Variants in PTPRA observed in about 807,000 individuals in gnomAD.
The protein encoded by PTPRA is receptor-type tyrosine-protein phosphatase alpha.
In PTPRA, 25 loss-of-function variants were observed where a neutral mutation model predicts 104.8. That is an observed-to-expected ratio of 0.24 (90% CI 0.17 to 0.33). The LOEUF (loss-of-function observed/expected upper bound fraction) is 0.33, where lower values mean the gene tolerates loss of function less well. Ranked by LOEUF, PTPRA falls within the 10% of genes least tolerant of loss-of-function variation. The pLI, the probability that PTPRA is intolerant of heterozygous loss-of-function variation, is 1.00. For missense variants in PTPRA, 765 were observed against 1,015.3 expected (o/e 0.75, Z 3.35); for synonymous variants, 323 against 368.9 (o/e 0.88, Z 1.43).
chr20:3,002,597 G>T (rs2063685107), intron 9 of PTPRA, among the ~76,000 whole-genome samples: 1 of 152,134 alleles, frequency 6.6e-6, no homozygotes, highest in South Asian at 2.1e-4. Context: ...AAAGTGCTGG[G>T]ATTACAGGCG....
At chr20:3,010,039 G>A (rs774385936) in intron 11 of PTPRA, among the ~76,000 whole-genome samples, 17 of 151,794 alleles carry the variant, frequency 1.1e-4, no homozygotes, top group African/African-American at 2.7e-4. Flanking sequence ...TAGTAGAGAC[G>A]GTGTTTTGCT....
At chr20:2,919,088 T>C (rs1339453981) in intron 1 of PTPRA, among the ~76,000 whole-genome samples, 2 of 152,206 alleles carry the variant, frequency 1.3e-5, no homozygotes, top group Non-Finnish European at 2.9e-5. Context: ...GATGTGTTGA[T>C]TATATATAAT....
intron 1 of PTPRA, among the ~76,000 whole-genome samples, chr20:2,918,830 C>T (rs554112052): frequency 2.6e-5 from 4 of 152,154 alleles, no homozygotes; most frequent in South Asian, 4.1e-4. Context: ...GTCATGTACA[C>T]CTGGGTTTGA....
chr20:2,883,922 G>A (rs1016373689), intron 1 of PTPRA, among the ~76,000 whole-genome samples: 1 of 152,060 alleles, frequency 6.6e-6, no homozygotes, highest in Non-Finnish European at 1.5e-5. Context: ...CCAGTCCCTG[G>A]CAACTACTAA....
intron 2 of PTPRA, among the ~76,000 whole-genome samples, chr20:2,931,443 ACAGT>A (rs908988396): frequency 1.9e-5 from 2 of 104,928 alleles, no homozygotes; most frequent in Admixed American, 9.3e-5. Context: ...AAGGTGATAG[ACAGT>A]CAGCAGGCAC....
intron 1 of PTPRA, among the ~76,000 whole-genome samples, chr20:2,916,736 A>G (rs567333174): frequency 7.9e-5 from 12 of 152,192 alleles, no homozygotes; most frequent in Admixed American, 2.0e-4. Flanking sequence ...TCAGTTGACT[A>G]TAGATTTGTG....
At position 2,996,921 on chromosome 20, in the gene PTPRA, G is replaced by A. The variant is rs1016204310; in HGVS notation, c.739-8135G>A. The stretch of plus-strand genomic sequence containing the variant: ...TACCAATCATTATTTAAATGTTTGA[G>A]TTTTCTGACCAAGCTTCTGAGATTC... On this transcript the variant is annotated intron_variant, in intron 9 of 23. Transcript: ENST00000399903. Among the ~76,000 whole-genome samples the A allele has an allele frequency of 1.6e-4, 25 of 152,192 alleles. 1 individual carries two copies. The highest frequency in any genetic ancestry group is 5.1e-4 in the African/African-American group (21 of 41,524).
intron 6 of PTPRA, among the ~76,000 whole-genome samples, chr20:2,979,233 A>G (rs1196810135): frequency 6.6e-6 from 1 of 152,192 alleles, no homozygotes; most frequent in African/African-American, 2.4e-5. Flanking sequence ...TTCAGAATAC[A>G]TCTAGGTGTA....
chr20:2,951,289 A>G (rs962195014), intron 3 of PTPRA, among the ~76,000 whole-genome samples: 27 of 152,000 alleles, frequency 1.8e-4, no homozygotes, highest in Admixed American at 1.7e-3. Flanking sequence ...TTTAGTAGAG[A>G]CGGGGTTTCA....
chr20:2,947,228 A>G (rs1056862558), intron 2 of PTPRA, among the ~76,000 whole-genome samples: 15 of 152,306 alleles, frequency 9.8e-5, no homozygotes, highest in East Asian at 1.9e-4. Flanking sequence ...GGTCTGATCT[A>G]TGGATTGTAG....
At chr20:2,871,236 T>G (rs974793597), upstream of PTPRA, among the ~76,000 whole-genome samples, 4 of 152,066 alleles carry the variant, frequency 2.6e-5, no homozygotes, top group Non-Finnish European at 4.4e-5. Flanking sequence ...TGAGAATGGG[T>G]TACTTGCCAA....
chr20:2,885,261 A>G (rs923858265), intron 1 of PTPRA, among the ~76,000 whole-genome samples: 3 of 152,168 alleles, frequency 2.0e-5, no homozygotes, highest in African/African-American at 4.8e-5. Flanking sequence ...GTATTGCATT[A>G]TGTTTTAATT....
chr20:2,889,993 C>T (rs544400552), intron 1 of PTPRA, among the ~76,000 whole-genome samples: 22 of 152,166 alleles, frequency 1.4e-4, no homozygotes, highest in African/African-American at 5.3e-4. Context: ...AAGTGATCCT[C>T]CCGCCTCAGC....
chr20:2,899,494 C>T (rs2059146399), intron 1 of PTPRA, among the ~76,000 whole-genome samples: 1 of 151,790 alleles, frequency 6.6e-6, no homozygotes, highest in Non-Finnish European at 1.5e-5. Flanking sequence ...TGGGACATCC[C>T]CTATTGAGCA....
At chr20:3,005,819 G>A (rs1240845563) in intron 10 of PTPRA, among the ~76,000 whole-genome samples, 1 of 152,078 alleles carries the variant, frequency 6.6e-6, no homozygotes, top group African/African-American at 2.4e-5. Flanking sequence ...CTAATGCAGA[G>A]TTCTCTGTAT....
At position 2,883,675 on chromosome 20, in the gene PTPRA, A is replaced by AAAAAAAAAAAAG. The variant is rs1568638017; in HGVS notation, c.-129+9918_-129+9919insAAAAAAAAGAAA. ...TCAAAAAAAAAAAAAAAAAAAAAAA[A>AAAAAAAAAAAAG]AAAGAAAGAAATGTGCAATGGTAGA... On this transcript the variant is annotated intron_variant, in intron 1 of 23. Transcript: ENST00000399903. Among the ~76,000 whole-genome samples the AAAAAAAAAAAAG allele has an allele frequency of 1.8e-4, 4 of 22,658 alleles. 1 individual carries two copies. In the African/African-American group the frequency reaches 4.0e-3, roughly 23 times the overall value. The allele number at this position is 22,658 out of a possible 152,430, so 14.9% of individuals were successfully genotyped here.
chr20:2,877,083 T>C (rs938082281), intron 1 of PTPRA, among the ~76,000 whole-genome samples: 8 of 152,290 alleles, frequency 5.3e-5, no homozygotes, highest in East Asian at 1.9e-4. Flanking sequence ...TCAGTGTCAG[T>C]TTGTAAACAT....
intron 9 of PTPRA, among the ~76,000 whole-genome samples, chr20:2,995,843 T>C (rs1235340256): frequency 6.6e-6 from 1 of 152,226 alleles, no homozygotes; most frequent in East Asian, 1.9e-4. Flanking sequence ...GAAGTAATCC[T>C]ACTCCTTGGT....
intron 11 of PTPRA, among the ~76,000 whole-genome samples, chr20:3,015,303 CTTTTTTTT>C (rs778457233): frequency 7.4e-6 from 1 of 134,652 alleles, no homozygotes; most frequent in African/African-American, 2.8e-5. Context: ...CTTTCTTTTT[CTTTTTTTT>C]TTTTTTTTGG....
Sources: allele counts gnomAD v4.1 joint callset (sites outside exome capture counted in the v4.1 genomes callset), GRCh38; gene constraint gnomAD v4.1.1; transcripts MANE v1.5; gene names NCBI Gene and HGNC (gene_info 2026-07-23, HGNC 2026-07-21).